The following DPH6 variants were observed in gnomAD, a reference collection of about 807,000 sequenced individuals.
DPH6 encodes diphthine--ammonia ligase.
DPH6 carries 33 observed loss-of-function variants against 38.2 expected under a neutral mutation model. The observed-to-expected ratio is 0.86, with a 90% confidence interval of 0.65 to 1.15. The LOEUF (loss-of-function observed/expected upper bound fraction) is 1.15. Ranked by LOEUF, DPH6 falls within the 50% of genes most tolerant of loss-of-function variation. DPH6 has a pLI of 0.00. For missense variants in DPH6, 325 were observed against 320.0 expected, an observed-to-expected ratio of 1.02 and a Z score of -0.12; for synonymous variants, 108 against 103.0, an observed-to-expected ratio of 1.05 and a Z score of -0.30.
intron 3 of DPH6, among the ~76,000 whole-genome samples, chr15:35,459,690 C>G (rs1272841576): frequency 1.3e-5 from 2 of 151,846 alleles, no homozygotes; most frequent in African/African-American, 4.8e-5. Context: ...GGGGGTACAC[C>G]AACATGTAAG....
intron 3 of DPH6, among the ~76,000 whole-genome samples, chr15:35,462,808 C>T (rs185142127): frequency 1.1e-4 from 17 of 152,270 alleles, no homozygotes; most frequent in African/African-American, 3.9e-4. Flanking sequence ...ACTGTAATCT[C>T]AGCTCTAGAA....
the DPH6 span, among the ~76,000 whole-genome samples, chr15:35,190,003 G>A: frequency 6.6e-6 from 1 of 152,152 alleles, no homozygotes; most frequent in Non-Finnish European, 1.5e-5. Context: ...CTTCTTTTCT[G>A]TAATAGATAA....
chr15:35,185,081 T>TG, the DPH6 span, among the ~76,000 whole-genome samples: 7 of 146,140 alleles, frequency 4.8e-5, no homozygotes, highest in East Asian at 4.6e-4. Context: ...AGCTCCAATG[T>TG]GGGAAAAAAA....
intron 3 of DPH6, among the ~76,000 whole-genome samples, chr15:35,345,086 A>G (rs146617907): frequency 2.0e-5 from 3 of 152,046 alleles, no homozygotes; most frequent in South Asian, 4.1e-4. Context: ...ATTATCATCC[A>G]TATTTTATAG....
chr15:35,392,267 A>G (rs1338841945), intron 6 of DPH6, among the ~76,000 whole-genome samples: 1 of 152,222 alleles, frequency 6.6e-6, no homozygotes, highest in African/African-American at 2.4e-5. Flanking sequence ...CCATTGGAAT[A>G]CTGCTGATTA....
intron 5 of DPH6, among the ~76,000 whole-genome samples, chr15:35,432,406 G>A (rs1379106698): frequency 2.0e-5 from 3 of 152,058 alleles, no homozygotes; most frequent in Admixed American, 6.5e-5. Flanking sequence ...AGAGTTCTTA[G>A]CCATGCACAG....
rs545252069 is a variant in DPH6 at position 35,489,794 on chromosome 15, C to T, written c.313-34974G>A. 1.3e-5 allele frequency: 13 copies of T among 980,878 alleles called. No homozygotes were observed. In the African/African-American group the frequency reaches 1.7e-4, roughly 13 times the overall value. 60.8% of individuals were successfully genotyped at this position (980,878 alleles called of 1,614,324 possible). On this transcript the variant is annotated intron_variant, in intron 3 of 8. Transcript: ENST00000256538. ...GGAGGATAGAGAACAAAATTCTCTA[C>T]CTTCATGTGCCGTTTTATTTGTCTA... is the stretch of plus-strand genomic sequence containing the variant.
In DPH6 at chr15:35,275,728, AT is replaced by A. The variant is rs981594587; in HGVS notation, n.201-55147del. Among the ~76,000 whole-genome samples the A allele has an allele frequency of 7.3e-5, 11 of 150,448 alleles. No individual in the cohort carries two copies. In the South Asian group the frequency reaches 8.5e-4, roughly 12 times the overall value. On this transcript the variant is annotated intron_variant and non_coding_transcript_variant, in intron 3 of 3. Transcript: ENST00000560386. ...GACCTTAAAGTAAAAAAAAAAAAAA[AT>A]AATAATATTAGTCTTCAATCTCATC...
chr15:35,173,846 T>G, the DPH6 span, among the ~76,000 whole-genome samples: 2 of 152,204 alleles, frequency 1.3e-5, no homozygotes, highest in Non-Finnish European at 2.9e-5. Context: ...GTTAGACTTA[T>G]CTTTTACTGG....
At chr15:35,457,499 T>C (rs959482609) in intron 3 of DPH6, among the ~76,000 whole-genome samples, 4 of 152,094 alleles carry the variant, frequency 2.6e-5, no homozygotes, top group African/African-American at 7.2e-5. Flanking sequence ...GATTTTGCCA[T>C]GTTGCCCAGG....
intron 3 of DPH6, among the ~76,000 whole-genome samples, chr15:35,279,401 A>G (rs1291123193): frequency 2.0e-5 from 3 of 152,080 alleles, no homozygotes; most frequent in Non-Finnish European, 4.4e-5. Flanking sequence ...CCAGGGGCAG[A>G]AGGATATGGT....
At chr15:35,468,818 A>G (rs1483395889) in intron 3 of DPH6, among the ~76,000 whole-genome samples, 1 of 152,156 alleles carries the variant, frequency 6.6e-6, no homozygotes, top group Non-Finnish European at 1.5e-5. Context: ...CAGTAATCCC[A>G]GCACTTTGGG....
intron 4 of DPH6, among the ~76,000 whole-genome samples, chr15:35,453,462 A>G (rs1290262600): frequency 1.3e-5 from 2 of 152,206 alleles, no homozygotes; most frequent in Non-Finnish European, 1.5e-5. Context: ...TTCTCAGAGA[A>G]TATGATCTAA....
chr15:35,294,528 C>A (rs2052001884), intron 3 of DPH6, among the ~76,000 whole-genome samples: 1 of 152,146 alleles, frequency 6.6e-6, no homozygotes, highest in South Asian at 2.1e-4. Flanking sequence ...AACAGTACCT[C>A]CTGTTGGTTC....
the DPH6 span, among the ~76,000 whole-genome samples, chr15:35,156,191 G>A: frequency 6.6e-6 from 1 of 152,130 alleles, no homozygotes; most frequent in Admixed American, 6.5e-5. Context: ...AAATTGGTTT[G>A]TGAGACTGAA....
chr15:35,170,426 C>T, the DPH6 span, among the ~76,000 whole-genome samples: 1 of 152,148 alleles, frequency 6.6e-6, no homozygotes, highest in Non-Finnish European at 1.5e-5. Context: ...GGTGGAGCTT[C>T]CCTCTGAGTC....
intron 3 of DPH6, among the ~76,000 whole-genome samples, chr15:35,268,285 C>T (rs1422126337): frequency 1.3e-5 from 2 of 151,770 alleles, no homozygotes; most frequent in African/African-American, 2.4e-5. Flanking sequence ...GCCATATTTG[C>T]AGCAAGAAGT....
rs565802106 is a variant in DPH6 at position 35,402,676 on chromosome 15, T to C, written c.567+8159A>G. Among the ~76,000 whole-genome samples, 3 of 152,182 alleles carry C rather than the reference T, an allele frequency of 2.0e-5. No homozygotes were observed. In the South Asian group the frequency reaches 6.2e-4, roughly 32 times the overall value. ...TGCTTATAAGATTATAATTTAAAAA[T>C]TCTACAGAAGTTTAAGAAACAATGG... is the stretch of plus-strand genomic sequence containing the variant. On this transcript the variant is annotated intron_variant, in intron 6 of 8. Transcript: ENST00000256538.
At chr15:35,475,216 C>T (rs1004083360) in intron 3 of DPH6, among the ~76,000 whole-genome samples, 2 of 151,928 alleles carry the variant, frequency 1.3e-5, no homozygotes, top group Non-Finnish European at 2.9e-5. Flanking sequence ...TTTTATAGGT[C>T]TTACTTATTT....
Sources: allele counts gnomAD v4.1 joint callset (sites outside exome capture counted in the v4.1 genomes callset), GRCh38; gene constraint gnomAD v4.1.1; transcripts MANE v1.5; gene names NCBI Gene and HGNC (gene_info 2026-07-23, HGNC 2026-07-21).